ELP4: variants seen among roughly 807,000 people sequenced by gnomAD.
ELP4 encodes elongator complex protein 4.
A neutral mutation model predicts 48.9 loss-of-function variants in ELP4; 51 were observed. The ratio of observed to expected loss-of-function variants is 1.04; its 90% CI spans 0.83 to 1.32. ELP4 has a LOEUF of 1.32. Among genes scored for constraint, ELP4 ranks in the 40% most tolerant of loss-of-function variants. The pLI, the probability that ELP4 is intolerant of heterozygous loss-of-function variation, is 0.00. For synonymous variants in ELP4, 210 were observed against 189.2 expected, an observed-to-expected ratio of 1.11 and a Z score of -0.90; for missense variants, 519 against 514.6, an observed-to-expected ratio of 1.01 and a Z score of -0.08.
intron 3 of ELP4, among the ~76,000 whole-genome samples, chr11:31,547,604 G>GA (rs1160625176): frequency 6.6e-6 from 1 of 152,088 alleles, no homozygotes; most frequent in Admixed American, 6.5e-5. Flanking sequence ...CCAATCAATA[G>GA]AAAAAGAGGG....
intron 9 of ELP4, among the ~76,000 whole-genome samples, chr11:31,670,699 CCA>C (rs1945789336): frequency 6.6e-6 from 1 of 151,972 alleles, no homozygotes; most frequent in African/African-American, 2.4e-5. Context: ...TTTGCGTTGC[CCA>C]CAGTGTCAAA....
At chr11:31,724,639 A>T (rs1338251870) in intron 9 of ELP4, among the ~76,000 whole-genome samples, 1 of 152,148 alleles carries the variant, frequency 6.6e-6, no homozygotes, top group Admixed American at 6.5e-5. Flanking sequence ...TCTTTCTTTC[A>T]CTCCAGAGTG....
chr11:31,754,278 C>T lies in ELP4; in HGVS notation c.1144-29115C>T, dbSNP rs193109222. Among the ~76,000 whole-genome samples, 139 of 152,206 alleles carry T rather than the reference C, an allele frequency of 9.1e-4. 1 individual carries two copies. The highest frequency in any genetic ancestry group is 3.1e-3 in the African/African-American group (129 of 41,550). ...TTATGCTACTCCCCCGCTCAGAACACGCCAGTGGCTTCTCATTAAAATCCG... is the reference window on the plus strand; with the variant it reads ...TTATGCTACTCCCCCGCTCAGAACATGCCAGTGGCTTCTCATTAAAATCCG... On this transcript the variant is annotated intron_variant, in intron 9 of 9. Transcript: ENST00000640961.
chr11:31,738,935 G>C (rs749889679), intron 9 of ELP4, among the ~76,000 whole-genome samples: 1 of 152,042 alleles, frequency 6.6e-6, no homozygotes, highest in Admixed American at 6.6e-5. Context: ...AAAATGAGGC[G>C]TTGCTGTTCA....
chr11:31,656,121 T>C (rs1945427983), intron 9 of ELP4, among the ~76,000 whole-genome samples: 1 of 152,100 alleles, frequency 6.6e-6, no homozygotes, highest in East Asian at 1.9e-4. Context: ...CACTTAAATG[T>C]TGAGTAAAGT....
intron 9 of ELP4, among the ~76,000 whole-genome samples, chr11:31,729,537 T>C (rs1947141542): frequency 6.6e-6 from 1 of 152,214 alleles, no homozygotes; most frequent in Admixed American, 6.5e-5. Flanking sequence ...AACATTTTTG[T>C]TGTTAAACGC....
intron 3 of ELP4, among the ~76,000 whole-genome samples, chr11:31,543,571 G>A (rs765141584): frequency 6.6e-5 from 10 of 151,880 alleles, no homozygotes; most frequent in Admixed American, 1.3e-4. Flanking sequence ...TGCCCACCTC[G>A]GCCTCCCAAC....
intron 3 of ELP4, among the ~76,000 whole-genome samples, chr11:31,575,738 G>A (rs896890482): frequency 7.9e-5 from 12 of 152,134 alleles, no homozygotes; most frequent in Admixed American, 7.9e-4. Context: ...ACAAACAAAT[G>A]CTGAGAGATT....
intron 5 of ELP4, among the ~76,000 whole-genome samples, chr11:31,610,466 G>A (rs187714228): frequency 3.9e-5 from 6 of 152,138 alleles, no homozygotes; most frequent in Admixed American, 2.6e-4. Flanking sequence ...ACTTCACCCC[G>A]GTAGTGAGCA....
intron 7 of ELP4, among the ~76,000 whole-genome samples, chr11:31,645,208 A>G (rs940319595): frequency 9.2e-5 from 14 of 151,800 alleles, no homozygotes; most frequent in African/African-American, 2.7e-4. Context: ...TAAATGAAAT[A>G]CATGAATGAG....
At chr11:31,612,233 A>G (rs2134014366) in intron 5 of ELP4, among the ~76,000 whole-genome samples, 1 of 152,284 alleles carries the variant, frequency 6.6e-6, no homozygotes, top group South Asian at 2.1e-4. Context: ...ATGGATGAAG[A>G]TGTAGAAAAG....
chr11:31,609,425 C>G (rs1203773692), intron 5 of ELP4, among the ~76,000 whole-genome samples: 1 of 152,006 alleles, frequency 6.6e-6, no homozygotes. Flanking sequence ...GTATTAAGAA[C>G]AATAGTTTTT....
At chr11:31,775,146 TTTAAG>T (rs1592301363) in intron 9 of ELP4, among the ~76,000 whole-genome samples, 1 of 152,244 alleles carries the variant, frequency 6.6e-6, no homozygotes, top group South Asian at 2.1e-4. Context: ...GCCTAAATAC[TTTAAG>T]TTATTAAGCC....
intron 7 of ELP4, among the ~76,000 whole-genome samples, chr11:31,637,893 T>C (rs1170460274): frequency 1.3e-5 from 2 of 151,964 alleles, no homozygotes; most frequent in Non-Finnish European, 2.9e-5. Flanking sequence ...TTTTGTGCCT[T>C]ATGATGATTT....
intron 9 of ELP4, among the ~76,000 whole-genome samples, chr11:31,770,305 T>C (rs1301609340): frequency 6.6e-6 from 1 of 152,070 alleles, no homozygotes; most frequent in Non-Finnish European, 1.5e-5. Flanking sequence ...TGGGGAGATA[T>C]CAAGTAACCG....
chr11:31,591,785 T>G (rs1332898458), intron 3 of ELP4, among the ~76,000 whole-genome samples: 2 of 152,126 alleles, frequency 1.3e-5, no homozygotes, highest in African/African-American at 4.8e-5. Context: ...GAAAACATGT[T>G]CACACAAAAG....
chr11:31,609,094 G>T (rs1156479379), intron 5 of ELP4, among the ~76,000 whole-genome samples: 1 of 152,152 alleles, frequency 6.6e-6, no homozygotes, highest in African/African-American at 2.4e-5. Context: ...TTCATTGGCA[G>T]GCTGGACAAG....
In ELP4 at chr11:31,786,509, T is replaced by G. The variant is rs1183355570; in HGVS notation, c.*2985T>G. The G allele has an allele frequency of 4.5e-6, 1 of 224,366 alleles. No homozygotes were observed. The highest frequency in any genetic ancestry group is 2.2e-5 in the African/African-American group (1 of 44,864). The allele number at this position is 224,366 out of a possible 1,614,324, so 13.9% of individuals were successfully genotyped here. ...AAAAGAGAAGAATATATATTTCGCC[T>G]TGGTGAGCCAAACATACAGAGAAGA... On this transcript the variant is annotated 3_prime_UTR_variant, in exon 10 of 10. Transcript: ENST00000640961.
intron 1 of ELP4, among the ~76,000 whole-genome samples, chr11:31,519,820 A>G (rs995014886): frequency 6.7e-6 from 1 of 149,250 alleles, no homozygotes; most frequent in African/African-American, 2.5e-5. Context: ...ACAGAGCAAG[A>G]CTCCATCTCA....
Sources: allele counts gnomAD v4.1 joint callset (sites outside exome capture counted in the v4.1 genomes callset), GRCh38; gene constraint gnomAD v4.1.1; transcripts MANE v1.5; gene names NCBI Gene and HGNC (gene_info 2026-07-23, HGNC 2026-07-21).